The following HSD17B12 variants were observed in gnomAD, a reference collection of about 807,000 sequenced individuals.
HSD17B12 encodes the protein hydroxysteroid 17-beta dehydrogenase 12.
In HSD17B12, 32 loss-of-function variants were observed where a neutral mutation model predicts 39.3. That is an observed-to-expected ratio of 0.81 (90% confidence interval 0.61 to 1.09). The LOEUF (loss-of-function observed/expected upper bound fraction) is 1.09. Among genes scored for constraint, HSD17B12 ranks in the 50% least tolerant of loss-of-function variants. HSD17B12 has a pLI of 0.00. For synonymous variants in HSD17B12, 150 were observed against 146.7 expected (o/e 1.02, Z -0.16); for missense variants, 342 against 382.9 (o/e 0.89, Z 0.89).
the HSD17B12 span, among the ~76,000 whole-genome samples, chr11:43,622,204 G>A: frequency 3.4e-4 from 52 of 152,308 alleles, no homozygotes; most frequent in East Asian, 0.01. Context: ...GGAGAGAGAC[G>A]GGATGACAGA....
chr11:43,611,431 T>C, the HSD17B12 span, among the ~76,000 whole-genome samples: 1 of 152,204 alleles, frequency 6.6e-6, no homozygotes, highest in African/African-American at 2.4e-5. Flanking sequence ...TCCAGAATGG[T>C]TGATGAGCAC....
the HSD17B12 span, among the ~76,000 whole-genome samples, chr11:43,584,122 C>G: frequency 1.3e-5 from 2 of 152,194 alleles, no homozygotes; most frequent in African/African-American, 2.4e-5. Context: ...GTGATCTGCT[C>G]TCCTGCCTCT....
Position 43,781,364 on chromosome 11 carries a change from T to TG in HSD17B12, c.284-16955dup, listed in dbSNP as rs142207235. Among the ~76,000 whole-genome samples the TG allele has an allele frequency of 4.1e-3, 624 of 152,236 alleles. 6 individuals carry two copies. In the East Asian group the frequency reaches 0.044, roughly 11 times the overall value. On this transcript the variant is annotated intron_variant, in intron 3 of 10. Coordinates refer to ENST00000278353, the MANE Select transcript of HSD17B12 (RefSeq NM_016142.3). ...TGCTGACATGGAAGGTCATCTTTAG[T>TG]GAAAAAAAAGCAAGTTGCAGAATAG... is the stretch of plus-strand genomic sequence containing the variant.
At chr11:43,719,190 A>G (rs373906312) in intron 1 of HSD17B12, 1 of 716,370 alleles carries the variant, frequency 1.4e-6, no homozygotes, top group Non-Finnish European at 2.6e-6. Flanking sequence ...ATATCTTTTC[A>G]CCATATACAT....
the HSD17B12 span, among the ~76,000 whole-genome samples, chr11:43,640,213 C>A: frequency 1.3e-5 from 2 of 151,960 alleles, no homozygotes; most frequent in Non-Finnish European, 2.9e-5. Flanking sequence ...GGGGGGAAAG[C>A]AGCACAATTA....
chr11:43,609,145 G>A, the HSD17B12 span, among the ~76,000 whole-genome samples: 1 of 150,952 alleles, frequency 6.6e-6, no homozygotes, highest in Non-Finnish European at 1.5e-5. Flanking sequence ...TCGTCATGTT[G>A]TCCAGACTGG....
At chr11:43,815,385 A>G (rs1240834921) in intron 4 of HSD17B12, 52 bp from the exon 5 acceptor site, 2 of 998,634 alleles carry the variant, frequency 2.0e-6, no homozygotes, top group Non-Finnish European at 3.0e-6. Context: ...TATTTTAACA[A>G]ATCTTTAAAA....
chr11:43,781,090 T>C (rs1950760897), intron 3 of HSD17B12, among the ~76,000 whole-genome samples: 1 of 152,160 alleles, frequency 6.6e-6, no homozygotes, highest in Non-Finnish European at 1.5e-5. Context: ...TTATCTTGTC[T>C]TCCCCCCAAC....
the HSD17B12 span, among the ~76,000 whole-genome samples, chr11:43,629,381 G>C: frequency 6.6e-6 from 1 of 152,236 alleles, no homozygotes; most frequent in South Asian, 2.1e-4. Flanking sequence ...GAGTGAGTCT[G>C]GTTCATTATC....
chr11:43,582,621 G>C, the HSD17B12 span, among the ~76,000 whole-genome samples: 3 of 152,152 alleles, frequency 2.0e-5, no homozygotes, highest in Non-Finnish European at 4.4e-5. Context: ...TTCGGGGAGG[G>C]CCTGAATTTC....
chr11:43,612,666 A>G, the HSD17B12 span, among the ~76,000 whole-genome samples: 5,171 of 152,314 alleles, frequency 0.034, 140 homozygotes, highest in South Asian at 0.12. Context: ...TCGGCCTCCC[A>G]AAGTGCTGAG....
the HSD17B12 span, among the ~76,000 whole-genome samples, chr11:43,632,904 C>T: frequency 6.6e-6 from 1 of 152,056 alleles, no homozygotes; most frequent in Non-Finnish European, 1.5e-5. Context: ...TAAATATTTT[C>T]TACTTCATAC....
intron 1 of HSD17B12, among the ~76,000 whole-genome samples, chr11:43,743,780 C>T (rs1950389331): frequency 6.6e-6 from 1 of 152,136 alleles, no homozygotes; most frequent in African/African-American, 2.4e-5. Flanking sequence ...AGTGTAATCA[C>T]CTCACCTATG....
the HSD17B12 span, among the ~76,000 whole-genome samples, chr11:43,619,548 G>C: frequency 1.3e-5 from 2 of 151,028 alleles, no homozygotes; most frequent in Non-Finnish European, 3.0e-5. Context: ...TGACACCAAG[G>C]CTGGCTAATT....
At chr11:43,788,934 A>C (rs1225518684) in intron 3 of HSD17B12, among the ~76,000 whole-genome samples, 3 of 152,158 alleles carry the variant, frequency 2.0e-5, no homozygotes, top group African/African-American at 7.2e-5. Flanking sequence ...TTTTTATTTT[A>C]CACTGGGTCC....
chr11:43,652,749 C>G, the HSD17B12 span, among the ~76,000 whole-genome samples: 2 of 152,126 alleles, frequency 1.3e-5, no homozygotes, highest in African/African-American at 4.8e-5. Flanking sequence ...TCCCCAGGCA[C>G]ACACCCTCCA....
At chr11:43,750,458 T>G (rs1002450930) in intron 1 of HSD17B12, among the ~76,000 whole-genome samples, 2 of 152,154 alleles carry the variant, frequency 1.3e-5, no homozygotes, top group Admixed American at 1.3e-4. Flanking sequence ...TTCCATTGTT[T>G]GTCTATATCT....
At chr11:43,578,276 G>T in the HSD17B12 span, among the ~76,000 whole-genome samples, 2 of 152,146 alleles carry the variant, frequency 1.3e-5, no homozygotes, top group South Asian at 4.1e-4. Context: ...AAGAGACCAG[G>T]TCTCTCTGCT....
intron 4 of HSD17B12, among the ~76,000 whole-genome samples, chr11:43,803,019 A>G (rs1200887301): frequency 1.3e-5 from 2 of 152,162 alleles, no homozygotes; most frequent in African/African-American, 4.8e-5. Flanking sequence ...CTCTACCACA[A>G]ATGTCTCCTT....
Sources: gnomAD v4.1 joint callset for allele counts (sites outside exome capture counted in the v4.1 genomes callset) on GRCh38, gnomAD v4.1.1 for gene constraint, MANE v1.5 for transcripts, NCBI Gene and HGNC (gene_info 2026-07-23, HGNC 2026-07-21) for gene names.